The following FGD4 variants were observed in gnomAD, a reference collection of about 807,000 sequenced individuals.
The protein encoded by FGD4 is FYVE, RhoGEF and PH domain containing 4.
In FGD4, 42 loss-of-function variants were observed where a neutral mutation model predicts 102.0. The ratio of observed to expected loss-of-function variants is 0.41; its 90% confidence interval spans 0.32 to 0.53. The LOEUF (loss-of-function observed/expected upper bound fraction) is 0.53, where lower values mean the gene tolerates loss of function less well. Ranked by LOEUF, FGD4 falls within the 20% of genes least tolerant of loss-of-function variation. The pLI is 0.21. For synonymous variants in FGD4, 380 were observed against 375.7 expected (o/e 1.01, Z -0.13); for missense variants, 902 against 1,078.2 (o/e 0.84, Z 2.29).
At chr12:32,481,161 G>A (rs551457327) in intron 1 of FGD4, among the ~76,000 whole-genome samples, 17 of 74,246 alleles carry the variant, frequency 2.3e-4, no homozygotes, top group Admixed American at 1.1e-3. Flanking sequence ...AAAAAAAGCC[G>A]GGCGCAGTGG....
At chr12:32,571,186 GGCTCAC>G (rs1250355599) in intron 2 of FGD4, among the ~76,000 whole-genome samples, 1 of 152,154 alleles carries the variant, frequency 6.6e-6, no homozygotes, top group African/African-American at 2.4e-5. Context: ...TGGGCACGGT[GGCTCAC>G]GCCTGTAATC....
chr12:32,583,623 A>G (rs959196888), intron 4 of FGD4, among the ~76,000 whole-genome samples: 1 of 152,238 alleles, frequency 6.6e-6, no homozygotes, highest in African/African-American at 2.4e-5. Flanking sequence ...AAGTGATTTG[A>G]TGAACTGCCT....
At chr12:32,540,952 T>G (rs1008022931) in intron 1 of FGD4, among the ~76,000 whole-genome samples, 8 of 152,142 alleles carry the variant, frequency 5.3e-5, no homozygotes, top group African/African-American at 1.9e-4. Flanking sequence ...AGCAAGGGAG[T>G]AATAAAATTC....
chr12:32,443,921 A>G (rs1235324208), intron 1 of FGD4, among the ~76,000 whole-genome samples: 4 of 152,146 alleles, frequency 2.6e-5, no homozygotes, highest in African/African-American at 9.7e-5. Context: ...GATTTTTAAA[A>G]AATCGACAGA....
chr12:32,564,383 G>A (rs911555021), intron 2 of FGD4, 94 bp downstream of exon 2: 216 of 1,434,328 alleles, frequency 1.5e-4, no homozygotes, highest in Non-Finnish European at 2.0e-4. Flanking sequence ...AGTGTTTTAA[G>A]CTAGAAGGAA....
In FGD4 at chr12:32,624,985, G is replaced by A. The variant is rs769604865; in HGVS notation, c.1963G>A (p.Glu655Lys). The change falls in exon 13 of 17, where the codon GAA becomes AAA. Residue 655 changes from glutamate (E) to lysine (K), a missense_variant. Glu to Lys is a moderately conservative substitution (Grantham distance 56). Around this residue, in one of 2 missense-constraint regions of FGD4, gnomAD observed 459 missense variants for 619.0 expected, o/e 0.74. Coordinates refer to ENST00000534526, the MANE Select transcript of FGD4 (RefSeq NM_001370298.3). ...DKEEWIKALQ[E>K]TIDAFHQRHE... ...TTTACTTATACTTTAGGCCCTTCAA[G>A]AAACCATCGATGCTTTTCATCAAAG... 1.2e-6 allele frequency: 2 copies of A among 1,613,028 alleles called. No individual in the cohort carries two copies. The highest frequency in any genetic ancestry group is 2.7e-5 in the African/African-American group (2 of 74,884).
intron 4 of FGD4, among the ~76,000 whole-genome samples, chr12:32,583,972 A>C (rs1444031295): frequency 6.6e-6 from 1 of 152,234 alleles, no homozygotes; most frequent in Non-Finnish European, 1.5e-5. Flanking sequence ...AAAGAAAAAT[A>C]TTCTAATTGG....
intron 1 of FGD4, among the ~76,000 whole-genome samples, chr12:32,498,302 T>A (rs1937948367): frequency 6.6e-6 from 1 of 152,212 alleles, no homozygotes; most frequent in South Asian, 2.1e-4. Context: ...AGTTCCCTTT[T>A]AAAAAATATT....
intron 1 of FGD4, among the ~76,000 whole-genome samples, chr12:32,474,193 T>C (rs1943524750): frequency 6.6e-6 from 1 of 152,042 alleles, no homozygotes; most frequent in Non-Finnish European, 1.5e-5. Flanking sequence ...ACAGTCTGGG[T>C]AGTTCTTTGA....
At chr12:32,427,351 C>T (rs61927214) in intron 1 of FGD4, among the ~76,000 whole-genome samples, 57 of 152,252 alleles carry the variant, frequency 3.7e-4, no homozygotes, top group African/African-American at 1.2e-3. Flanking sequence ...GTAGGTTGTT[C>T]GGTTTCCATG....
intron 1 of FGD4, among the ~76,000 whole-genome samples, chr12:32,409,283 T>C (rs1007819709): frequency 6.3e-5 from 7 of 110,322 alleles, no homozygotes; most frequent in African/African-American, 3.1e-4. Flanking sequence ...GTAATTTTTC[T>C]TTTTTTTCTT....
In FGD4 at chr12:32,561,072, TTTG is replaced by T. The variant is rs1298565640; in HGVS notation, c.167-3062_167-3060del. Among the ~76,000 whole-genome samples the T allele has an allele frequency of 4.0e-4, 39 of 97,126 alleles. 1 individual carries two copies. The highest frequency in any genetic ancestry group is 5.1e-3 in the Middle Eastern group (1 of 198). The allele number at this position is 97,126 out of a possible 152,430, so 63.7% of individuals were successfully genotyped here. A position where few individuals can be genotyped will look rare whatever the true frequency, so the allele number is the denominator to read the frequency against. On this transcript the variant is annotated intron_variant, in intron 1 of 16. Coordinates refer to ENST00000534526, the MANE Select transcript of FGD4 (RefSeq NM_001370298.3). The stretch of plus-strand genomic sequence containing the variant: ...CAGAAATGTGGTTTCTTTGTTGGGT[TTTG>T]TTTTTTTTTTTTTTTTTTTTTTTTT...
chr12:32,497,594 G>T (rs975150853), intron 1 of FGD4, among the ~76,000 whole-genome samples: 4 of 152,108 alleles, frequency 2.6e-5, no homozygotes, highest in Non-Finnish European at 4.4e-5. Context: ...CACAGGCACC[G>T]CTAACAATAT....
rs1217865334 is a variant in FGD4 at position 32,552,434 on chromosome 12, A to T, written c.167-11703A>T. Reference sequence around the variant, plus strand: ...GCCGCCATGCCCGACTAATTTTTGCATTTTTTTTTTTTTTTTTTTTTTTTT... The same window carrying T: ...GCCGCCATGCCCGACTAATTTTTGCTTTTTTTTTTTTTTTTTTTTTTTTTT... On this transcript the variant is annotated intron_variant, in intron 1 of 16. Transcript: ENST00000534526. Among the ~76,000 whole-genome samples the T allele has an allele frequency of 2.2e-3, 264 of 120,936 alleles. 10 individuals are homozygous for T. In the South Asian group the frequency reaches 0.045, roughly 21 times the overall value. 79.3% of individuals were successfully genotyped at this position (120,936 alleles called of 152,430 possible).
intron 12 of FGD4, chr12:32,624,772 C>T (rs937925566): frequency 3.2e-6 from 2 of 625,204 alleles, no homozygotes; most frequent in East Asian, 2.9e-5. Context: ...CCACGCCCAG[C>T]TTATTTTCAC....
intron 1 of FGD4, among the ~76,000 whole-genome samples, chr12:32,498,357 T>A (rs950710370): frequency 1.3e-5 from 2 of 152,094 alleles, no homozygotes; most frequent in Non-Finnish European, 2.9e-5. Context: ...TTTTGCAAAG[T>A]CGAGGGTTTG....
chr12:32,438,930 A>G (rs1264853469), intron 1 of FGD4, among the ~76,000 whole-genome samples: 1 of 152,150 alleles, frequency 6.6e-6, no homozygotes, highest in East Asian at 1.9e-4. Context: ...TTAAAATATG[A>G]ATACGTTGTG....
intron 4 of FGD4, among the ~76,000 whole-genome samples, chr12:32,587,187 CAAAAAAAA>C (rs1181469038): frequency 0.024 from 1,603 of 66,166 alleles, 36 homozygotes; most frequent in African/African-American, 0.069. Flanking sequence ...GAGACTCTCT[CAAAAAAAA>C]AAAAAAAAAA....
Position 32,483,269 on chromosome 12 carries a change from T to C in FGD4, c.167-80868T>C, listed in dbSNP as rs543745771. On this transcript the variant is annotated intron_variant, in intron 1 of 16. Coordinates refer to ENST00000534526, the MANE Select transcript of FGD4 (RefSeq NM_001370298.3). ...AAAGCCAGTAGGGATAAATCTGTAT[T>C]TTGTAAAATCTACAAGGCAGAGAAT... 4.6e-5 allele frequency among the ~76,000 whole-genome samples: 7 copies of C among 152,334 alleles called. No individual in the cohort carries two copies. In the South Asian group the frequency reaches 1.4e-3, roughly 32 times the overall value.
Sources: allele counts gnomAD v4.1 joint callset (sites outside exome capture counted in the v4.1 genomes callset), GRCh38; gene constraint gnomAD v4.1.1; regional missense constraint gnomAD v4.1.1; transcripts MANE v1.5; gene names NCBI Gene and HGNC (gene_info 2026-07-23, HGNC 2026-07-21).